SLC25A21: variants seen among roughly 807,000 people sequenced by gnomAD.
The protein encoded by SLC25A21 is mitochondrial 2-oxodicarboxylate carrier.
Under a neutral mutation model 43.8 loss-of-function variants are expected in SLC25A21, and 47 were observed. The ratio of observed to expected loss-of-function variants is 1.07; its 90% CI spans 0.85 to 1.37. SLC25A21 has a LOEUF of 1.37. SLC25A21 is among the 40% of genes most tolerant of loss of function. The probability of loss-of-function intolerance (pLI) is 0.00; values close to 1 mark genes in which losing one functional copy is unlikely to be tolerated. For missense variants in SLC25A21, 352 were observed against 350.2 expected, an observed-to-expected ratio of 1.00 and a Z score of -0.04; for synonymous variants, 131 against 121.3, an observed-to-expected ratio of 1.08 and a Z score of -0.52.
chr14:36,956,737 C>T (rs1399571069), intron 1 of SLC25A21, among the ~76,000 whole-genome samples: 1 of 152,008 alleles, frequency 6.6e-6, no homozygotes, highest in African/African-American at 2.4e-5. Flanking sequence ...TGGGGATATC[C>T]ATCAAAGCTG....
rs1010369761 is a variant in SLC25A21 at position 36,826,387 on chromosome 14, GT to G, written c.120-12387del. Reference sequence around the variant, plus strand: ...ACTTTTCTGGTTGTTTCCCTGTATAGTTTTGTGCTGTTTTCTCTCTTTTTCC... The same window carrying G: ...ACTTTTCTGGTTGTTTCCCTGTATAGTTTGTGCTGTTTTCTCTCTTTTTCC... On this transcript the variant is annotated intron_variant, in intron 2 of 9. Transcript: ENST00000331299. Among the ~76,000 whole-genome samples, 28 of 152,166 alleles carry G rather than the reference GT, an allele frequency of 1.8e-4. 1 individual carries two copies. Among genetic ancestry groups the G allele is most frequent in the African/African-American group, 6.8e-4 (28 of 41,434 alleles).
intron 6 of SLC25A21, 111 bp from the exon 7 acceptor site, chr14:36,711,593 C>T (rs1883875000): frequency 8.1e-7 from 1 of 1,232,066 alleles, no homozygotes; most frequent in East Asian, 2.5e-5. Flanking sequence ...TTTTTTCCCC[C>T]AGATATGAAT....
chr14:37,045,880 A>G (rs1961575746), intron 1 of SLC25A21, among the ~76,000 whole-genome samples: 3 of 152,202 alleles, frequency 2.0e-5, no homozygotes, highest in Non-Finnish European at 4.4e-5. Context: ...GTCTCATAGT[A>G]CTTGGGAATA....
intron 1 of SLC25A21, among the ~76,000 whole-genome samples, chr14:37,033,126 T>G (rs1961255381): frequency 6.6e-6 from 1 of 151,802 alleles, no homozygotes; most frequent in Admixed American, 6.6e-5. Flanking sequence ...ACAACAGCTC[T>G]CCGTTTCCTA....
chr14:37,084,142 G>A (rs1196789634), intron 1 of SLC25A21, among the ~76,000 whole-genome samples: 1 of 152,082 alleles, frequency 6.6e-6, no homozygotes, highest in African/African-American at 2.4e-5. Context: ...CAGCTAAAAG[G>A]CACTATTATA....
intron 1 of SLC25A21, among the ~76,000 whole-genome samples, chr14:37,053,050 AATATATCT>A (rs1961744593): frequency 4.6e-5 from 7 of 152,256 alleles, no homozygotes; most frequent in Admixed American, 4.6e-4. Flanking sequence ...ACTGCAAATC[AATATATCT>A]GTTTTATTTT....
intron 1 of SLC25A21, among the ~76,000 whole-genome samples, chr14:37,012,738 A>T (rs867591329): frequency 6.6e-6 from 1 of 152,244 alleles, no homozygotes; most frequent in African/African-American, 2.4e-5. Flanking sequence ...GGCTTAAAGG[A>T]CTCAATTTTC....
chr14:36,895,995 G>A (rs981324883), intron 1 of SLC25A21, among the ~76,000 whole-genome samples: 3 of 152,206 alleles, frequency 2.0e-5, no homozygotes, highest in Admixed American at 1.3e-4. Context: ...GTGGTGTGGT[G>A]CTGAAAAGAA....
intron 1 of SLC25A21, among the ~76,000 whole-genome samples, chr14:36,950,792 C>T (rs1892790968): frequency 6.6e-6 from 1 of 152,162 alleles, no homozygotes; most frequent in Non-Finnish European, 1.5e-5. Context: ...TTCCCCACAA[C>T]CTAACATCCA....
chr14:36,905,768 C>T (rs966279152), intron 1 of SLC25A21, among the ~76,000 whole-genome samples: 1 of 152,134 alleles, frequency 6.6e-6, no homozygotes, highest in African/African-American at 2.4e-5. Context: ...GACATCTGAC[C>T]AGATTCTTTA....
intron 1 of SLC25A21, among the ~76,000 whole-genome samples, chr14:37,063,286 G>C (rs1313369259): frequency 1.3e-5 from 2 of 152,054 alleles, no homozygotes; most frequent in Admixed American, 1.3e-4. Context: ...GATCACTTGA[G>C]GTCAGGAGTT....
At chr14:36,928,016 A>C (rs1466642270) in intron 1 of SLC25A21, among the ~76,000 whole-genome samples, 1 of 152,126 alleles carries the variant, frequency 6.6e-6, no homozygotes, top group Non-Finnish European at 1.5e-5. Context: ...CCGAAGTTAT[A>C]ATGTTAAATA....
intron 1 of SLC25A21, among the ~76,000 whole-genome samples, chr14:36,930,114 T>A (rs1892247673): frequency 6.6e-6 from 1 of 152,166 alleles, no homozygotes; most frequent in Non-Finnish European, 1.5e-5. Flanking sequence ...AGACTTCAGA[T>A]GCTGTAGCCA....
At chr14:36,959,687 T>C (rs980337924) in intron 1 of SLC25A21, among the ~76,000 whole-genome samples, 1 of 152,202 alleles carries the variant, frequency 6.6e-6, no homozygotes, top group Non-Finnish European at 1.5e-5. Flanking sequence ...TTCCTGAATC[T>C]AGATTCCACA....
chr14:36,965,559 T>C (rs148209746), intron 1 of SLC25A21, among the ~76,000 whole-genome samples: 4 of 152,200 alleles, frequency 2.6e-5, no homozygotes, highest in African/African-American at 4.8e-5. Flanking sequence ...TTTTGGCATA[T>C]AAATACACAC....
intron 1 of SLC25A21, among the ~76,000 whole-genome samples, chr14:37,017,138 A>G (rs1960874853): frequency 6.6e-6 from 1 of 152,076 alleles, no homozygotes; most frequent in Non-Finnish European, 1.5e-5. Flanking sequence ...CTAACTGTTT[A>G]GTGCAAGAGG....
Position 36,678,763 on chromosome 14 carries a change from A to AT in SLC25A21, c.*1894dup. The AT allele has an allele frequency of 9.1e-7, 1 of 1,097,414 alleles. No individual in the cohort carries two copies. Among genetic ancestry groups the AT allele is most frequent in the Non-Finnish European group, 1.1e-6 (1 of 894,626 alleles). 68.0% of individuals were successfully genotyped at this position (1,097,414 alleles called of 1,614,324 possible). A position where few individuals can be genotyped will look rare whatever the true frequency, so the allele number is the denominator to read the frequency against. ...TTTATAATTTTTTTCTGGTTCTTGT[A>AT]TTTTAAAAAATCTAATATTAATGGT... On this transcript the variant is annotated 3_prime_UTR_variant, in exon 10 of 10. Coordinates refer to ENST00000331299, the MANE Select transcript of SLC25A21 (RefSeq NM_030631.4).
chr14:36,728,551 T>C (rs538385660), intron 5 of SLC25A21, among the ~76,000 whole-genome samples: 1 of 152,364 alleles, frequency 6.6e-6, no homozygotes, highest in South Asian at 2.1e-4. Flanking sequence ...CTCCCAGCTA[T>C]CTTGTATAGG....
intron 1 of SLC25A21, among the ~76,000 whole-genome samples, chr14:37,010,886 C>T (rs991248900): frequency 2.6e-5 from 4 of 151,674 alleles, no homozygotes; most frequent in Non-Finnish European, 4.4e-5. Flanking sequence ...CTGGGACTAG[C>T]GGTACGCACC....
Sources: gnomAD v4.1 joint callset for allele counts (sites outside exome capture counted in the v4.1 genomes callset) on GRCh38, gnomAD v4.1.1 for gene constraint, MANE v1.5 for transcripts, NCBI Gene and HGNC (gene_info 2026-07-23, HGNC 2026-07-21) for gene names.